The following GLMN variants were observed in gnomAD, a reference collection of about 807,000 sequenced individuals.
GLMN encodes the protein glomulin, FKBP associated protein, also known as glomulin.
Under a neutral mutation model 87.8 loss-of-function variants are expected in GLMN, and 75 were observed. The observed-to-expected ratio is 0.85, with a 90% CI of 0.71 to 1.04. The LOEUF (loss-of-function observed/expected upper bound fraction) is 1.04, where lower values mean the gene tolerates loss of function less well. Among genes scored for constraint, GLMN ranks in the 50% least tolerant of loss-of-function variants. The pLI, the probability that GLMN is intolerant of heterozygous loss-of-function variation, is 0.00. For synonymous variants in GLMN, 206 were observed against 221.6 expected (o/e 0.93, Z 0.63); for missense variants, 588 against 658.8 (o/e 0.89, Z 1.18).
At chr1:92,289,742 C>T (rs1649182954) in intron 5 of GLMN, among the ~76,000 whole-genome samples, 2 of 152,162 alleles carry the variant, frequency 1.3e-5, no homozygotes, top group Admixed American at 6.6e-5. Flanking sequence ...CATATCTCCT[C>T]GTTTCATTCT....
chr1:92,262,584 T>A (rs1024891894), intron 16 of GLMN, among the ~76,000 whole-genome samples: 6 of 152,210 alleles, frequency 3.9e-5, no homozygotes, highest in African/African-American at 1.4e-4. Flanking sequence ...TCCACAAGGT[T>A]AGTTGACTTA....
chr1:92,302,694 C>T (rs1051892715), upstream of GLMN, among the ~76,000 whole-genome samples: 3 of 149,102 alleles, frequency 2.0e-5, no homozygotes, highest in East Asian at 4.0e-4. Flanking sequence ...CTCCGCCTCC[C>T]GTGTTCACGC....
At chr1:92,364,725 C>A in the GLMN span, among the ~76,000 whole-genome samples, 2 of 152,226 alleles carry the variant, frequency 1.3e-5, no homozygotes, top group African/African-American at 2.4e-5. Context: ...CTGCTACTAA[C>A]CCACATTAGG....
At chr1:92,287,957 A>C (rs1648964835) in intron 6 of GLMN, among the ~76,000 whole-genome samples, 1 of 152,096 alleles carries the variant, frequency 6.6e-6, no homozygotes, top group Non-Finnish European at 1.5e-5. Context: ...AGATGATTTT[A>C]ATAATTTATC....
At chr1:92,313,238 C>T in the GLMN span, among the ~76,000 whole-genome samples, 22 of 152,252 alleles carry the variant, frequency 1.4e-4, no homozygotes, top group East Asian at 4.3e-3. Flanking sequence ...TGCCCAAATC[C>T]ATCAGAGGAA....
the GLMN span, among the ~76,000 whole-genome samples, chr1:92,307,723 G>A: frequency 3.6e-5 from 2 of 55,954 alleles, no homozygotes; most frequent in Admixed American, 2.1e-4. Context: ...CAATTAAAAA[G>A]TAATTTTTTT....
chr1:92,333,736 C>G, the GLMN span, among the ~76,000 whole-genome samples: 1 of 152,068 alleles, frequency 6.6e-6, no homozygotes, highest in African/African-American at 2.4e-5. Context: ...TACCTTACTC[C>G]CACCTAATCA....
the GLMN span, chr1:92,320,736 C>G: frequency 1.2e-6 from 1 of 839,058 alleles, no homozygotes. Flanking sequence ...TGTGCTGATG[C>G]ATTATGTAAG....
At chr1:92,249,988 C>T (rs1045236319) in intron 16 of GLMN, among the ~76,000 whole-genome samples, 1 of 152,028 alleles carries the variant, frequency 6.6e-6, no homozygotes, top group Non-Finnish European at 1.5e-5. Flanking sequence ...CATTTATTCC[C>T]TGCCCCCCAA....
At position 92,269,734 on chromosome 1, in the gene GLMN, G is replaced by T; in HGVS notation, c.966C>A (p.Val322=). 1 of 1,607,808 alleles carries T rather than the reference G, an allele frequency of 6.2e-7. No individual in the cohort carries two copies. The highest frequency in any genetic ancestry group is 1.3e-5 in the African/African-American group (1 of 74,878). ...CTAAACGATCTTACCTTTGCAAAAA[G>T]ACTTCAATGTGCCCCATATTAAACT... ...LLQFNMGHIE[V]FLQRTEESVI... The change falls in exon 9 of 19, where the codon GTC becomes GTA. Residue 322 remains valine (V), a synonymous_variant. Transcript: ENST00000370360.
chr1:92,281,915 A>G (rs1648110004), intron 7 of GLMN, among the ~76,000 whole-genome samples: 1 of 152,232 alleles, frequency 6.6e-6, no homozygotes, highest in Non-Finnish European at 1.5e-5. Flanking sequence ...ATTCAACAAG[A>G]AGAGCTAACT....
At position 92,274,935 on chromosome 1, in the gene GLMN, C is replaced by T. The variant is rs1465518219; in HGVS notation, c.736-3283G>A. On this transcript the variant is annotated intron_variant, in intron 7 of 18. Coordinates refer to ENST00000370360, the MANE Select transcript of GLMN (RefSeq NM_053274.3). ...CCAACCTGAATCATGGATTATTGACCAGCTGAACTATCTGCACCCTGTATT... is the reference window on the plus strand; with the variant it reads ...CCAACCTGAATCATGGATTATTGACTAGCTGAACTATCTGCACCCTGTATT... Among the ~76,000 whole-genome samples, 3 of 152,154 alleles carry T rather than the reference C, an allele frequency of 2.0e-5. No homozygotes were observed. In the East Asian group the frequency reaches 5.8e-4, roughly 29 times the overall value.
At chr1:92,290,880 A>G (rs1649327251) in intron 4 of GLMN, among the ~76,000 whole-genome samples, 1 of 152,196 alleles carries the variant, frequency 6.6e-6, no homozygotes. Context: ...GCCATCAAAT[A>G]TTGACTGTAA....
the GLMN span, among the ~76,000 whole-genome samples, chr1:92,312,128 C>T: frequency 6.6e-6 from 1 of 152,058 alleles, no homozygotes; most frequent in Non-Finnish European, 1.5e-5. Context: ...AATTGGAGTC[C>T]GGCCAGGAGC....
At chr1:92,251,369 C>T (rs763602464) in intron 16 of GLMN, among the ~76,000 whole-genome samples, 1 of 151,826 alleles carries the variant, frequency 6.6e-6, no homozygotes, top group Non-Finnish European at 1.5e-5. Context: ...TTAAGGATAA[C>T]CTTTTCTACA....
At chr1:92,265,168 T>A (rs893415286) in intron 13 of GLMN, among the ~76,000 whole-genome samples, 1 of 152,146 alleles carries the variant, frequency 6.6e-6, no homozygotes, top group Non-Finnish European at 1.5e-5. Context: ...AACTGGATCT[T>A]CCAACAAGCC....
upstream of GLMN, among the ~76,000 whole-genome samples, chr1:92,302,845 C>G (rs1290847258): frequency 6.6e-6 from 1 of 151,658 alleles, no homozygotes; most frequent in African/African-American, 2.4e-5. Flanking sequence ...CGTGATCCGC[C>G]CGCGTCGGCC....
At chr1:92,363,914 A>G in the GLMN span, 1 of 165,298 alleles carries the variant, frequency 6.0e-6, no homozygotes, top group African/African-American at 2.4e-5. Flanking sequence ...GTGTTAATCG[A>G]CTGCTTATGT....
At chr1:92,355,361 G>C in the GLMN span, among the ~76,000 whole-genome samples, 2 of 152,042 alleles carry the variant, frequency 1.3e-5, no homozygotes, top group Non-Finnish European at 2.9e-5. Context: ...AGTAAATCCA[G>C]GTTAAATCAA....
Sources: gnomAD v4.1 joint callset for allele counts (sites outside exome capture counted in the v4.1 genomes callset) on GRCh38, gnomAD v4.1.1 for gene constraint, MANE v1.5 for transcripts, NCBI Gene and HGNC (gene_info 2026-07-23, HGNC 2026-07-21) for gene names.